STAU2: variants seen among roughly 807,000 people sequenced by gnomAD.
STAU2 encodes the protein staufen double-stranded RNA binding protein 2, also known as double-stranded RNA-binding protein Staufen homolog 2.
Under a neutral mutation model 65.9 loss-of-function variants are expected in STAU2, and 20 were observed. The observed-to-expected ratio is 0.30, with a 90% confidence interval of 0.21 to 0.44. The LOEUF is 0.44. Ranked by LOEUF, STAU2 falls within the 20% of genes least tolerant of loss-of-function variation. The pLI is 1.00. For missense variants in STAU2, 558 were observed against 683.9 expected (o/e 0.82, Z 2.05); for synonymous variants, 232 against 233.9 (o/e 0.99, Z 0.07).
intron 12 of STAU2, among the ~76,000 whole-genome samples, chr8:73,558,432 ATGGG>A (rs1244600579): frequency 1.3e-5 from 2 of 152,200 alleles, no homozygotes; most frequent in Non-Finnish European, 2.9e-5. Flanking sequence ...CTTCTTTCAG[ATGGG>A]TATATGAATC....
At chr8:73,676,368 A>G (rs1818028184) in intron 5 of STAU2, among the ~76,000 whole-genome samples, 1 of 152,206 alleles carries the variant, frequency 6.6e-6, no homozygotes, top group Admixed American at 6.5e-5. Flanking sequence ...TTTTTAAATG[A>G]AGAAAAATAT....
At chr8:73,531,111 A>G (rs1805779910) in intron 13 of STAU2, among the ~76,000 whole-genome samples, 2 of 152,196 alleles carry the variant, frequency 1.3e-5, no homozygotes, top group Admixed American at 1.3e-4. Flanking sequence ...AGCCAGGTTA[A>G]GCTCTGACCC....
Position 73,742,168 on chromosome 8 carries a change from A to G in STAU2, c.-196-2300T>C, listed in dbSNP as rs1359699306. ...CCCAGTCTACTGTCACATATTTTAAACAATTTGCTAAAATATCAAGACATA... is the reference window on the plus strand; with the variant it reads ...CCCAGTCTACTGTCACATATTTTAAGCAATTTGCTAAAATATCAAGACATA... On this transcript the variant is annotated intron_variant, in intron 1 of 14. Coordinates refer to ENST00000524300, the MANE Select transcript of STAU2 (RefSeq NM_001164380.2). 10 of 978,750 alleles carry G rather than the reference A, an allele frequency of 1.0e-5. No individual in the cohort carries two copies. The African/African-American group carries it at 1.1e-4, about 10-fold the overall frequency. The allele number at this position is 978,750 out of a possible 1,614,324, so 60.6% of individuals were successfully genotyped here.
At chr8:73,646,965 A>ACG (rs1815431128) in intron 6 of STAU2, among the ~76,000 whole-genome samples, 1 of 151,778 alleles carries the variant, frequency 6.6e-6, no homozygotes, top group African/African-American at 2.4e-5. Context: ...ACACACACAC[A>ACG]CACACACACG....
chr8:73,567,694 T>A (rs576327501), intron 12 of STAU2, among the ~76,000 whole-genome samples: 6 of 152,118 alleles, frequency 3.9e-5, no homozygotes, highest in African/African-American at 1.2e-4. Context: ...ATTATAGGCA[T>A]GTGCCACACC....
At chr8:73,747,308 C>T (rs187722881), upstream of STAU2, 168 of 1,499,718 alleles carry the variant, frequency 1.1e-4, 1 homozygote, top group African/African-American at 2.0e-3. Flanking sequence ...ACACCTGCAA[C>T]TCGGCAACTT....
chr8:73,699,914 A>T (rs2130594985), intron 4 of STAU2, among the ~76,000 whole-genome samples: 1 of 151,380 alleles, frequency 6.6e-6, no homozygotes, highest in Admixed American at 6.6e-5. Context: ...ATATTGATGC[A>T]AAAACCCTCA....
chr8:73,640,355 T>C (rs549082175), intron 6 of STAU2, among the ~76,000 whole-genome samples: 2 of 152,286 alleles, frequency 1.3e-5, no homozygotes, highest in African/African-American at 4.8e-5. Flanking sequence ...GAATTGGTTA[T>C]ATATAAAACA....
At chr8:73,431,809 T>TCTAA (rs1369220301) in intron 13 of STAU2, among the ~76,000 whole-genome samples, 1 of 152,226 alleles carries the variant, frequency 6.6e-6, no homozygotes, top group African/African-American at 2.4e-5. Flanking sequence ...GTCTGTAATT[T>TCTAA]CTAACTTTCC....
intron 13 of STAU2, chr8:73,550,884 C>A (rs936858820): frequency 1.0e-6 from 1 of 987,354 alleles, no homozygotes; most frequent in Non-Finnish European, 1.2e-6. Flanking sequence ...GCAAAATACC[C>A]CCCAAAACAC....
intron 13 of STAU2, among the ~76,000 whole-genome samples, chr8:73,469,589 C>T (rs1422541678): frequency 6.7e-6 from 1 of 150,320 alleles, no homozygotes; most frequent in Non-Finnish European, 1.5e-5. Flanking sequence ...TGAATCACAA[C>T]CACTTCTTGT....
rs533995895 is a variant in STAU2, at chr8:73,727,568, A to G, written c.-18+10716T>C. On this transcript the variant is annotated intron_variant, in intron 3 of 14. Coordinates refer to ENST00000524300, the MANE Select transcript of STAU2 (RefSeq NM_001164380.2). Reference sequence around the variant, plus strand: ...CTGTACTTCATTTCTTTACTGCTAGACAATTTATGGAATACAGACTACTGC... The same window carrying G: ...CTGTACTTCATTTCTTTACTGCTAGGCAATTTATGGAATACAGACTACTGC... Among the ~76,000 whole-genome samples, 35 of 152,372 alleles carry G rather than the reference A, an allele frequency of 2.3e-4. 1 individual carries two copies. In the South Asian group the frequency reaches 6.6e-3, roughly 29 times the overall value.
intron 12 of STAU2, among the ~76,000 whole-genome samples, chr8:73,564,133 A>C (rs894846250): frequency 1.3e-5 from 2 of 152,182 alleles, no homozygotes; most frequent in Admixed American, 1.3e-4. Flanking sequence ...AGGTGAGTGG[A>C]ATGTGCATCC....
intron 13 of STAU2, among the ~76,000 whole-genome samples, chr8:73,493,430 T>TTATCCAA (rs1423811090): frequency 6.6e-6 from 1 of 151,700 alleles, no homozygotes; most frequent in Non-Finnish European, 1.5e-5. Flanking sequence ...GAAATATAAC[T>TTATCCAA]TAATAATGAA....
chr8:73,646,997 A>G (rs1057428131), intron 6 of STAU2, among the ~76,000 whole-genome samples: 1 of 150,900 alleles, frequency 6.6e-6, no homozygotes, highest in African/African-American at 2.4e-5. Context: ...AACATCCCTA[A>G]CCATTATGGA....
chr8:73,476,447 C>T (rs1820330891), intron 13 of STAU2, among the ~76,000 whole-genome samples: 1 of 152,144 alleles, frequency 6.6e-6, no homozygotes, highest in Non-Finnish European at 1.5e-5. Flanking sequence ...AACTCACTTG[C>T]TATAGAACAA....
intron 13 of STAU2, among the ~76,000 whole-genome samples, chr8:73,442,222 C>A (rs192352789): frequency 6.8e-4 from 104 of 151,864 alleles, no homozygotes; most frequent in African/African-American, 2.4e-3. Flanking sequence ...GGTGTGGTGG[C>A]GGGTGCCTGT....
chr8:73,737,936 ATT>A (rs1806561897), intron 3 of STAU2, among the ~76,000 whole-genome samples: 2 of 152,078 alleles, frequency 1.3e-5, no homozygotes, highest in African/African-American at 2.4e-5. Flanking sequence ...ACTTCACAAG[ATT>A]TGTCACTAAA....
intron 3 of STAU2, 33 bp downstream of exon 3, chr8:73,738,251 G>A (rs1806583356): frequency 2.5e-6 from 4 of 1,575,058 alleles, no homozygotes; most frequent in South Asian, 1.1e-5. Context: ...AAAGCACCAT[G>A]TAAGCATGAA....
Sources: gnomAD v4.1 joint callset for allele counts (sites outside exome capture counted in the v4.1 genomes callset) on GRCh38, gnomAD v4.1.1 for gene constraint, MANE v1.5 for transcripts, NCBI Gene and HGNC (gene_info 2026-07-23, HGNC 2026-07-21) for gene names.